PALM2AKAP2: variants seen among roughly 807,000 people sequenced by gnomAD.
The protein encoded by PALM2AKAP2 is PALM2 and AKAP2 fusion.
PALM2AKAP2 carries 37 observed loss-of-function variants against 71.5 expected under a neutral mutation model. The ratio of observed to expected loss-of-function variants is 0.52; its 90% confidence interval spans 0.40 to 0.68. The LOEUF (loss-of-function observed/expected upper bound fraction) is 0.68, where lower values mean the gene tolerates loss of function less well. PALM2AKAP2 is among the 30% of genes least tolerant of loss of function. PALM2AKAP2 has a pLI of 0.00. For missense variants in PALM2AKAP2, 1,224 were observed against 1,191.8 expected (o/e 1.03, Z -0.40); for synonymous variants, 468 against 478.8 (o/e 0.98, Z 0.29).
At chr9:109,966,297 G>A (rs1831947608) in intron 6 of PALM2AKAP2, among the ~76,000 whole-genome samples, 1 of 152,222 alleles carries the variant, frequency 6.6e-6, no homozygotes, top group Non-Finnish European at 1.5e-5. Flanking sequence ...AAAAGAAAAG[G>A]GAGAGATGGA....
intron 6 of PALM2AKAP2, among the ~76,000 whole-genome samples, chr9:109,975,147 A>C (rs773095897): frequency 3.3e-5 from 5 of 152,228 alleles, no homozygotes; most frequent in Non-Finnish European, 7.3e-5. Flanking sequence ...ACATATGGAA[A>C]AATATTATGA....
intron 1 of PALM2AKAP2, among the ~76,000 whole-genome samples, chr9:109,866,551 G>A (rs1365711652): frequency 6.6e-6 from 1 of 152,146 alleles, no homozygotes; most frequent in Non-Finnish European, 1.5e-5. Context: ...CTAATGGAAA[G>A]GTTATAGTGG....
At chr9:109,725,346 C>T (rs1211199733) in intron 1 of PALM2AKAP2, among the ~76,000 whole-genome samples, 1 of 152,112 alleles carries the variant, frequency 6.6e-6, no homozygotes, top group African/African-American at 2.4e-5. Context: ...GTTTTGATTA[C>T]TGAGGTTTGT....
At chr9:110,129,643 C>T (rs961004876) in intron 1 of PALM2AKAP2, among the ~76,000 whole-genome samples, 4 of 152,176 alleles carry the variant, frequency 2.6e-5, no homozygotes. Flanking sequence ...CATGTGTCAA[C>T]CAGAAAATGG....
At chr9:110,086,790 C>G (rs1342797353) in intron 1 of PALM2AKAP2, among the ~76,000 whole-genome samples, 1 of 152,132 alleles carries the variant, frequency 6.6e-6, no homozygotes, top group Non-Finnish European at 1.5e-5. Context: ...TCTTTGCCCC[C>G]AGTAAATCTC....
At chr9:110,006,323 TC>T (rs1161002073) in intron 6 of PALM2AKAP2, among the ~76,000 whole-genome samples, 1,418 of 126,736 alleles carry the variant, frequency 0.011, 32 homozygotes, top group African/African-American at 0.042. Flanking sequence ...CTTCCTTCCT[TC>T]TCTTTCTTTC....
At chr9:109,921,419 C>T (rs1830827196) in intron 3 of PALM2AKAP2, among the ~76,000 whole-genome samples, 2 of 152,174 alleles carry the variant, frequency 1.3e-5, no homozygotes, top group Non-Finnish European at 2.9e-5. Context: ...TAACACCAGT[C>T]CCACCCCCTT....
intron 7 of PALM2AKAP2, among the ~76,000 whole-genome samples, chr9:110,021,114 ATACT>A (rs1330997741): frequency 3.3e-5 from 5 of 152,174 alleles, no homozygotes; most frequent in Non-Finnish European, 5.9e-5. Context: ...TCAGAAAATA[ATACT>A]AATAATCTTG....
intron 3 of PALM2AKAP2, among the ~76,000 whole-genome samples, chr9:109,913,755 CTTTTTTT>C (rs35024326): frequency 1.9e-5 from 2 of 102,960 alleles, no homozygotes; most frequent in Non-Finnish European, 1.9e-5. Flanking sequence ...ATGCTTATTT[CTTTTTTT>C]TTTTTTTTTT....
At chr9:110,156,546 G>C in intron 3 of PALM2AKAP2, 49 bp downstream of exon 9, 1 of 1,517,410 alleles carries the variant, frequency 6.6e-7, no homozygotes, top group Non-Finnish European at 8.9e-7. Flanking sequence ...GCGGCCATCG[G>C]TGTGGCGTGT....
intron 1 of PALM2AKAP2, among the ~76,000 whole-genome samples, chr9:109,817,587 A>G (rs146021036): frequency 2.6e-4 from 39 of 152,318 alleles, no homozygotes; most frequent in African/African-American, 8.4e-4. Flanking sequence ...TGAGCCATAC[A>G]GTGTCTATGG....
At chr9:109,816,257 A>C (rs1253214860) in intron 1 of PALM2AKAP2, among the ~76,000 whole-genome samples, 1 of 152,232 alleles carries the variant, frequency 6.6e-6, no homozygotes, top group Admixed American at 6.5e-5. Context: ...AGATACCTGG[A>C]TGTAGCCAAA....
chr9:109,978,893 T>G (rs1327896683), intron 6 of PALM2AKAP2, among the ~76,000 whole-genome samples: 1 of 152,168 alleles, frequency 6.6e-6, no homozygotes, highest in African/African-American at 2.4e-5. Context: ...CTGACTGAGC[T>G]GGCAGATGTT....
intron 1 of PALM2AKAP2, among the ~76,000 whole-genome samples, chr9:109,722,711 G>A (rs1000646352): frequency 1.3e-5 from 2 of 152,182 alleles, no homozygotes; most frequent in African/African-American, 2.4e-5. Context: ...GGTTGAAGCC[G>A]TAGTGAGCCT....
upstream of PALM2AKAP2, among the ~76,000 whole-genome samples, chr9:109,778,989 C>T (rs974111489): frequency 6.6e-6 from 1 of 152,014 alleles, no homozygotes; most frequent in African/African-American, 2.4e-5. Flanking sequence ...AGGCTGGTCT[C>T]GAACTCCTGA....
intron 1 of PALM2AKAP2, among the ~76,000 whole-genome samples, chr9:109,725,119 G>A (rs1828457441): frequency 6.6e-6 from 1 of 152,098 alleles, no homozygotes; most frequent in Non-Finnish European, 1.5e-5. Flanking sequence ...AAAATGAGAT[G>A]TCATTTTTCT....
In PALM2AKAP2 at chr9:110,002,825, G is replaced by A. The variant is rs1194292244; in HGVS notation, c.497-13129G>A. On this transcript the variant is annotated intron_variant, in intron 6 of 9. Transcript: ENST00000302798. The stretch of plus-strand genomic sequence containing the variant: ...TTTTCTAGTTTATTTGTGTAGAGGT[G>A]TTTATAGTATTCTCTGATGGTAGTT... 3.3e-5 allele frequency among the ~76,000 whole-genome samples: 5 copies of A among 152,310 alleles called. No individual in the cohort carries two copies. The East Asian group carries it at 9.6e-4, about 29-fold the overall frequency.
chr9:109,961,540 C>G (rs1001417835), intron 6 of PALM2AKAP2, among the ~76,000 whole-genome samples: 1 of 152,130 alleles, frequency 6.6e-6, no homozygotes, highest in Non-Finnish European at 1.5e-5. Context: ...CTGGGGTGAC[C>G]ATATGTCCCA....
upstream of PALM2AKAP2, among the ~76,000 whole-genome samples, chr9:110,047,251 A>G (rs766811817): frequency 5.9e-5 from 9 of 152,240 alleles, no homozygotes; most frequent in Non-Finnish European, 1.2e-4. Flanking sequence ...AAAGGAGGCT[A>G]TTGACATTCA....
Sources: allele counts gnomAD v4.1 joint callset (sites outside exome capture counted in the v4.1 genomes callset), GRCh38; gene constraint gnomAD v4.1.1; transcripts MANE v1.5; gene names NCBI Gene and HGNC (gene_info 2026-07-23, HGNC 2026-07-21).